PPFIBP2: variants seen among roughly 807,000 people sequenced by gnomAD.
PPFIBP2 encodes the protein liprin-beta-2.
In PPFIBP2, 118 loss-of-function variants were observed where a neutral mutation model predicts 118.3. The observed-to-expected ratio is 1.00, with a 90% CI of 0.86 to 1.16. PPFIBP2 has a LOEUF of 1.16. Among genes scored for constraint, PPFIBP2 ranks in the 50% most tolerant of loss-of-function variants. The probability of loss-of-function intolerance (pLI) is 0.00; values close to 1 mark genes in which losing one functional copy is unlikely to be tolerated. For missense variants in PPFIBP2, 1,195 were observed against 1,073.1 expected (o/e 1.11, Z -1.59); for synonymous variants, 414 against 397.4 (o/e 1.04, Z -0.50).
At chr11:7,573,373 CT>C (rs1855880727) in intron 3 of PPFIBP2, among the ~76,000 whole-genome samples, 1 of 152,182 alleles carries the variant, frequency 6.6e-6, no homozygotes, top group South Asian at 2.1e-4. Context: ...TTTTTCAAGA[CT>C]GAAGAAAAAT....
chr11:7,616,195 G>A lies in PPFIBP2; in HGVS notation c.619-4740G>A, dbSNP rs533010622. Among the ~76,000 whole-genome samples, 1 of 152,018 alleles carries A rather than the reference G, an allele frequency of 6.6e-6. No homozygotes were observed. Among genetic ancestry groups the A allele is most frequent in the Non-Finnish European group, 1.5e-5 (1 of 67,986 alleles). On this transcript the variant is annotated intron_variant, in intron 6 of 23. Coordinates refer to ENST00000299492, the MANE Select transcript of PPFIBP2 (RefSeq NM_003621.5). This position sits in a 1 kb window ranked among gnomAD's most constrained non-coding sequence, Gnocchi z 5.2. Reference sequence around the variant, plus strand: ...AGTTATGTTCTTAAAAAGAAAAAATGGACTTGATTCCATGGATGCCTCTGA... The same window carrying A: ...AGTTATGTTCTTAAAAAGAAAAAATAGACTTGATTCCATGGATGCCTCTGA...
At chr11:7,590,841 A>AG (rs1859129855) in intron 3 of PPFIBP2, among the ~76,000 whole-genome samples, 1 of 152,242 alleles carries the variant, frequency 6.6e-6, no homozygotes, top group South Asian at 2.1e-4. Flanking sequence ...GTTTACTATA[A>AG]GGGTGTCATG....
chr11:7,555,261 C>A (rs954807596), intron 2 of PPFIBP2, among the ~76,000 whole-genome samples: 1 of 152,154 alleles, frequency 6.6e-6, no homozygotes, highest in African/African-American at 2.4e-5. Flanking sequence ...CAGTTATGTA[C>A]AAGCAGTACT....
intron 2 of PPFIBP2, among the ~76,000 whole-genome samples, chr11:7,557,587 G>A (rs909013557): frequency 6.6e-6 from 1 of 150,836 alleles, no homozygotes; most frequent in African/African-American, 2.4e-5. Flanking sequence ...CATCTCCTGG[G>A]TTCAAGCAAT....
In PPFIBP2 at chr11:7,649,104, A is replaced by G. The variant is rs779213408; in HGVS notation, c.1910-43A>G. On this transcript the variant is annotated intron_variant, in intron 19 of 23. Transcript: ENST00000299492. The stretch of plus-strand genomic sequence containing the variant: ...CTTTTTTTGGTGTCTACATTCTCTC[A>G]TTCTCATGAATCCTGACACATCTGG... 7.6e-6 allele frequency: 12 copies of G among 1,570,810 alleles called. No homozygotes were observed. The Admixed American group carries it at 1.6e-4, about 20-fold the overall frequency.
intron 5 of PPFIBP2, 184 bp downstream of exon 5, chr11:7,597,857 A>T: frequency 1.7e-6 from 1 of 574,770 alleles, no homozygotes; most frequent in Non-Finnish European, 3.1e-6. Flanking sequence ...AGAGTGGCAG[A>T]GGGGGTAGGG....
intron 1 of PPFIBP2, among the ~76,000 whole-genome samples, chr11:7,514,933 C>T (rs895741322): frequency 8.5e-5 from 13 of 152,272 alleles, no homozygotes; most frequent in African/African-American, 3.1e-4. Context: ...GGTCTACTTC[C>T]TGTCTTTCTC....
intron 4 of PPFIBP2, among the ~76,000 whole-genome samples, chr11:7,596,439 C>A: frequency 6.6e-6 from 1 of 150,628 alleles, no homozygotes; most frequent in South Asian, 2.1e-4. Context: ...GGAATGTTAA[C>A]CATGTGTCAA....
chr11:7,641,528 A>T lies in PPFIBP2; in HGVS notation c.1425A>T (p.Ser475=), dbSNP rs1186199155. The change falls in exon 16 of 24, where the codon TCA becomes TCT. Residue 475 remains serine, a synonymous_variant. Coordinates refer to ENST00000299492, the MANE Select transcript of PPFIBP2 (RefSeq NM_003621.5). ...ACACTGCTGTGGTCAATGACCTCTC[A>T]TCCACATCATCGGGCACTGAATCAG... The part of the protein sequence containing the change: ...WDDTAVVNDL[S]STSSGTESGP... The T allele has an allele frequency of 1.2e-6, 2 of 1,613,634 alleles. No individual in the cohort carries two copies. The highest frequency in any genetic ancestry group is 4.5e-5 in the East Asian group (2 of 44,892).
At chr11:7,522,186 A>G (rs1849814591) in intron 1 of PPFIBP2, among the ~76,000 whole-genome samples, 1 of 152,122 alleles carries the variant, frequency 6.6e-6, no homozygotes, top group African/African-American at 2.4e-5. Context: ...GTAGGAATAG[A>G]GAGAAGGGAG....
chr11:7,631,660 C>G (rs1463312630), intron 11 of PPFIBP2, among the ~76,000 whole-genome samples: 3 of 152,068 alleles, frequency 2.0e-5, no homozygotes, highest in Non-Finnish European at 2.9e-5. Flanking sequence ...CCAAAAGATT[C>G]CTGAAAACGT....
intron 3 of PPFIBP2, among the ~76,000 whole-genome samples, chr11:7,587,447 C>T (rs1858411335): frequency 6.6e-6 from 1 of 152,238 alleles, no homozygotes. Flanking sequence ...AAATTTTAGT[C>T]AGTTGATCAC....
At chr11:7,550,376 C>T (rs1239047405) in intron 2 of PPFIBP2, among the ~76,000 whole-genome samples, 2 of 152,204 alleles carry the variant, frequency 1.3e-5, no homozygotes, top group African/African-American at 2.4e-5. Flanking sequence ...CCAGGAAGTA[C>T]ACAGAGTACC....
At chr11:7,617,399 T>G in intron 6 of PPFIBP2, 2 of 697,110 alleles carry the variant, frequency 2.9e-6, no homozygotes, top group South Asian at 6.3e-5. Context: ...TGGCTTGGCA[T>G]GGATCTGTTG....
chr11:7,647,648 CAT>C (rs1390058140), intron 17 of PPFIBP2, among the ~76,000 whole-genome samples: 1 of 152,190 alleles, frequency 6.6e-6, no homozygotes, highest in East Asian at 1.9e-4. Flanking sequence ...TTGTATGTAA[CAT>C]ACGTTACATA....
chr11:7,655,255 G>A (rs563997537), downstream of PPFIBP2, among the ~76,000 whole-genome samples: 4 of 152,284 alleles, frequency 2.6e-5, no homozygotes, highest in South Asian at 6.2e-4. Context: ...CAGGAAACAG[G>A]AGCAGCATGT....
chr11:7,573,791 T>A (rs1379472141), intron 3 of PPFIBP2: 1 of 152,124 alleles, frequency 6.6e-6, no homozygotes, highest in Non-Finnish European at 1.5e-5. Context: ...TATGAGGGAG[T>A]GTCCTGGCAG....
chr11:7,653,382 G>A lies in PPFIBP2; in HGVS notation c.*164G>A. The A allele has an allele frequency of 6.7e-7, 1 of 1,482,940 alleles. No homozygotes were observed. Among genetic ancestry groups the A allele is most frequent in the Non-Finnish European group, 8.9e-7 (1 of 1,120,696 alleles). 91.9% of individuals were successfully genotyped at this position (1,482,940 alleles called of 1,614,324 possible). ...CTCTTTGAACCCTGAGGGTGGCCAG[G>A]ATCTGGAGCTGCATCTCTAAGGGGC... On this transcript the variant is annotated 3_prime_UTR_variant, in exon 24 of 24. Transcript: ENST00000299492.
At chr11:7,657,599 C>G (rs1331997596), downstream of PPFIBP2, among the ~76,000 whole-genome samples, 1 of 152,222 alleles carries the variant, frequency 6.6e-6, no homozygotes, top group African/African-American at 2.4e-5. Flanking sequence ...AACTCACCAA[C>G]TTCCCAAACA....
Sources: gnomAD v4.1 joint callset for allele counts (sites outside exome capture counted in the v4.1 genomes callset) on GRCh38, gnomAD v4.1.1 for gene constraint, Gnocchi (gnomAD v3.1) non-coding constraint, MANE v1.5 for transcripts, NCBI Gene and HGNC (gene_info 2026-07-23, HGNC 2026-07-21) for gene names.